PDE12: variants seen among roughly 807,000 people sequenced by gnomAD.
PDE12 encodes phosphodiesterase 12.
A neutral mutation model predicts 45.4 loss-of-function variants in PDE12; 26 were observed. The ratio of observed to expected loss-of-function variants is 0.57; its 90% CI spans 0.42 to 0.79. PDE12 has a LOEUF of 0.79. PDE12 is among the 30% of genes least tolerant of loss of function. The pLI is 0.00. For missense variants in PDE12, 668 were observed against 790.0 expected, an observed-to-expected ratio of 0.85 and a Z score of 1.85; for synonymous variants, 283 against 323.9, an observed-to-expected ratio of 0.87 and a Z score of 1.36.
the PDE12 span, among the ~76,000 whole-genome samples, chr3:57,601,507 C>A: frequency 1.2e-3 from 180 of 152,204 alleles, 3 homozygotes; most frequent in East Asian, 0.032. Context: ...ACAGCAGACC[C>A]CCTGTATCTT....
the PDE12 span, chr3:57,596,791 C>T: frequency 2.5e-6 from 1 of 395,150 alleles, no homozygotes; most frequent in East Asian, 5.3e-5. Flanking sequence ...CACATCTCTG[C>T]CCAATGTTGT....
At chr3:57,650,069 A>G in the PDE12 span, among the ~76,000 whole-genome samples, 511 of 152,242 alleles carry the variant, frequency 3.4e-3, 3 homozygotes, top group Non-Finnish European at 4.9e-3. Context: ...GTTCTCACTC[A>G]TAAGTGGGAG....
the PDE12 span, among the ~76,000 whole-genome samples, chr3:57,589,314 G>GC: frequency 6.6e-6 from 1 of 152,024 alleles, no homozygotes; most frequent in Non-Finnish European, 1.5e-5. Flanking sequence ...TATATTCCCA[G>GC]CTACGTGGGA....
chr3:57,557,665 T>G lies in PDE12; in HGVS notation c.1286T>G (p.Leu429Arg), dbSNP rs767549984. Reference protein sequence around the residue: ...VLYPSAQEKVLQRSSVLQVSV... With the variant: ...VLYPSAQEKVRQRSSVLQVSV... Reference sequence around the variant, plus strand: ...TACCCATCAGCGCAGGAGAAGGTGCTCCAGAGATCTTCTGTTCTTCAGGTA... The same window carrying G: ...TACCCATCAGCGCAGGAGAAGGTGCGCCAGAGATCTTCTGTTCTTCAGGTA... The change falls in exon 1 of 3, where the codon CTC (leucine) becomes CGC (arginine). Residue 429 changes from leucine (L) to arginine (R), a missense_variant. Leu to Arg is a moderately radical substitution (Grantham distance 102, BLOSUM62 -2). This residue lies in a region of PDE12 where 580 missense variants were observed against 662.9 expected (regional missense o/e 0.87). Transcript: ENST00000311180. The G allele has an allele frequency of 6.2e-7, 1 of 1,613,860 alleles. No individual in the cohort carries two copies. The highest frequency in any genetic ancestry group is 2.2e-5 in the East Asian group (1 of 44,882).
chr3:57,633,383 A>T, the PDE12 span: 34 of 1,556,824 alleles, frequency 2.2e-5, no homozygotes, highest in Non-Finnish European at 2.9e-5. Flanking sequence ...GAGAATCTGT[A>T]TTCTAGTGTT....
the PDE12 span, among the ~76,000 whole-genome samples, chr3:57,611,023 G>C: frequency 6.6e-6 from 1 of 152,034 alleles, no homozygotes; most frequent in Non-Finnish European, 1.5e-5. Flanking sequence ...GCATGGTACT[G>C]GTACCAAAAC....
Position 57,559,622 on chromosome 3 carries a change from G to A in PDE12, c.1448G>A (p.Cys483Tyr). Residue 483 changes from cysteine to tyrosine, a missense_variant, in exon 3 of 3, where the codon TGT becomes TAT. By Grantham distance (194) the Cys-to-Tyr change is radical (BLOSUM62 -2). Around this residue, in one of 3 missense-constraint regions of PDE12, gnomAD observed 580 missense variants for 662.9 expected, o/e 0.87. Coordinates refer to ENST00000311180, the MANE Select transcript of PDE12 (RefSeq NM_177966.7). ...VALAHIRHVSCDLYPGIPVIF... is the reference protein window; with the variant it reads ...VALAHIRHVSYDLYPGIPVIF... ...TTGGCTCACATAAGACATGTTTCAT[G>A]TGATCTGTATCCTGGCATACCAGTT... 1.2e-6 allele frequency: 2 copies of A among 1,613,808 alleles called. No individual in the cohort carries two copies. Among genetic ancestry groups the A allele is most frequent in the Non-Finnish European group, 1.7e-6 (2 of 1,179,726 alleles).
At chr3:57,629,841 G>A in the PDE12 span, among the ~76,000 whole-genome samples, 1 of 152,018 alleles carries the variant, frequency 6.6e-6, no homozygotes, top group Non-Finnish European at 1.5e-5. Flanking sequence ...TTCTAAAAGT[G>A]TTAATACTAA....
chr3:57,629,889 G>C, the PDE12 span, among the ~76,000 whole-genome samples: 3 of 152,100 alleles, frequency 2.0e-5, no homozygotes, highest in Non-Finnish European at 4.4e-5. Flanking sequence ...AAAAGATGTG[G>C]AGTTAGGCTT....
the PDE12 span, among the ~76,000 whole-genome samples, chr3:57,652,529 G>T: frequency 6.6e-6 from 1 of 152,192 alleles, no homozygotes. Context: ...CTCAGAAACT[G>T]TGTGAAATAA....
At chr3:57,593,194 G>A in the PDE12 span, among the ~76,000 whole-genome samples, 1 of 152,034 alleles carries the variant, frequency 6.6e-6, no homozygotes, top group African/African-American at 2.4e-5. Context: ...ATGGGTGACA[G>A]AGCAAAACCC....
the PDE12 span, among the ~76,000 whole-genome samples, chr3:57,636,447 C>T: frequency 6.6e-6 from 1 of 152,200 alleles, no homozygotes; most frequent in South Asian, 2.1e-4. Flanking sequence ...AACAAAACAG[C>T]TAATTACCCG....
intron 1 of PDE12, among the ~76,000 whole-genome samples, chr3:57,557,907 A>AG: frequency 6.6e-6 from 1 of 152,324 alleles, no homozygotes; most frequent in Non-Finnish European, 1.5e-5. Flanking sequence ...TGCCTTGAAC[A>AG]AGACTAGCAG....
chr3:57,641,333 A>C, the PDE12 span, among the ~76,000 whole-genome samples: 1 of 143,432 alleles, frequency 7.0e-6, no homozygotes, highest in Non-Finnish European at 1.5e-5. Context: ...TATTATATTA[A>C]AATATATATT....
chr3:57,558,873 T>C (rs1034053779), intron 1 of PDE12, among the ~76,000 whole-genome samples: 3 of 151,932 alleles, frequency 2.0e-5, no homozygotes, highest in Admixed American at 2.0e-4. Context: ...ATGACTGCAG[T>C]CCTAGTTCAT....
chr3:57,572,392 C>T, the PDE12 span: 1 of 908,464 alleles, frequency 1.1e-6, no homozygotes, highest in Non-Finnish European at 1.7e-6. Context: ...AGTCTTTTCA[C>T]ACCTCTTGCA....
chr3:57,612,078 C>G, the PDE12 span, among the ~76,000 whole-genome samples: 1 of 151,628 alleles, frequency 6.6e-6, no homozygotes, highest in African/African-American at 2.4e-5. Context: ...AGGGTGAGTT[C>G]ACGTCCTTTA....
At chr3:57,624,414 T>C in the PDE12 span, among the ~76,000 whole-genome samples, 1 of 152,010 alleles carries the variant, frequency 6.6e-6, no homozygotes, top group Non-Finnish European at 1.5e-5. Flanking sequence ...CCTCCCAAAG[T>C]GCTGGGATTA....
At chr3:57,628,437 C>T in the PDE12 span, 1 of 1,455,722 alleles carries the variant, frequency 6.9e-7, no homozygotes, top group Admixed American at 2.5e-5. Flanking sequence ...AAAGGTCTAA[C>T]AATTAGATAC....
Sources: allele counts gnomAD v4.1 joint callset (sites outside exome capture counted in the v4.1 genomes callset), GRCh38; gene constraint gnomAD v4.1.1; regional missense constraint gnomAD v4.1.1; transcripts MANE v1.5; gene names NCBI Gene and HGNC (gene_info 2026-07-23, HGNC 2026-07-21).